Variants in UBR4 observed in about 807,000 individuals in gnomAD.
UBR4 encodes E3 ubiquitin-protein ligase UBR4.
Under a neutral mutation model 575.6 loss-of-function variants are expected in UBR4, and 124 were observed. The ratio of observed to expected loss-of-function variants is 0.22; its 90% CI spans 0.19 to 0.25. The LOEUF is 0.25. Among genes scored for constraint, UBR4 ranks in the 10% least tolerant of loss-of-function variants. The pLI is 1.00. For missense variants in UBR4, 4,818 were observed against 6,478.8 expected, an observed-to-expected ratio of 0.74 and a Z score of 8.80; for synonymous variants, 2,455 against 2,473.7, an observed-to-expected ratio of 0.99 and a Z score of 0.22.
At chr1:19,168,406 T>C (rs568801264) in intron 27 of UBR4, among the ~76,000 whole-genome samples, 2 of 152,340 alleles carry the variant, frequency 1.3e-5, no homozygotes, top group South Asian at 4.1e-4. Context: ...ATGCAACGAA[T>C]ATCCAATACC....
chr1:19,190,905 A>C (rs1485155841), intron 11 of UBR4, among the ~76,000 whole-genome samples: 4 of 152,124 alleles, frequency 2.6e-5, no homozygotes, highest in Non-Finnish European at 4.4e-5. Flanking sequence ...TCCCTTGTTT[A>C]ATCCTTCTAA....
chr1:19,084,532 T>C lies in UBR4; in HGVS notation c.14980A>G (p.Ile4994Val). Residue 4994 changes from isoleucine to valine, a missense_variant, in exon 102 of 106, where the codon ATT becomes GTT. Coordinates refer to ENST00000375254, the MANE Select transcript of UBR4 (RefSeq NM_020765.3). ...TTCAGGACGTAAAGCACAGTGTGAA[T>C]GATGTACGGGATCAGGTGGATGTTG... The part of the protein sequence containing the change: ...ESNIHLIPYI[I>V]HTVLYVLNTT... The C allele has an allele frequency of 6.2e-7, 1 of 1,613,686 alleles. No individual in the cohort carries two copies. Among genetic ancestry groups the C allele is most frequent in the Non-Finnish European group, 8.5e-7 (1 of 1,179,768 alleles).
chr1:19,087,767 A>C (rs763130496), intron 99 of UBR4, 49 bp downstream of exon 99: 1 of 1,491,336 alleles, frequency 6.7e-7, no homozygotes, highest in East Asian at 2.3e-5. Flanking sequence ...ACCTAGAACA[A>C]GGGGTCAGGC....
intron 38 of UBR4, 49 bp from the exon 39 acceptor site, chr1:19,160,330 A>G: frequency 6.8e-7 from 1 of 1,473,418 alleles, no homozygotes; most frequent in Non-Finnish European, 9.1e-7. Flanking sequence ...AAAAAGAAAA[A>G]CAATGGATAA....
chr1:19,177,822 G>T, intron 18 of UBR4, 79 bp from the exon 19 acceptor site: 1 of 1,465,414 alleles, frequency 6.8e-7, no homozygotes, highest in Non-Finnish European at 9.2e-7. Flanking sequence ...CACTAGAAGA[G>T]TTAAATTTCC....
Position 19,140,848 on chromosome 1 carries a change from C to T in UBR4, c.8533G>A (p.Gly2845Ser), listed in dbSNP as rs535487705. The change falls in exon 58 of 106, where the codon GGC becomes AGC. Residue 2845 changes from glycine (G) to serine (S), a missense_variant. By Grantham distance (56) the Gly-to-Ser change is moderately conservative. Transcript: ENST00000375254. Reference protein sequence around the residue: ...ALGLQSLGLSGQAPSSSSLDA... With the variant: ...ALGLQSLGLSSQAPSSSSLDA... ...AGAGAGGAAGAGCTGGGTGCCTGGC[C>T]GGACAGTCCCAGGCTCTGCAGGCCC... 3.1e-6 allele frequency: 5 copies of T among 1,612,834 alleles called. No homozygotes were observed. The highest frequency in any genetic ancestry group is 3.3e-5 in the Admixed American group (2 of 59,974).
Position 19,144,994 on chromosome 1 carries a change from C to T in UBR4, c.7946-87G>A, listed in dbSNP as rs542539780. On this transcript the variant is annotated intron_variant, in intron 53 of 105. Coordinates refer to ENST00000375254, the MANE Select transcript of UBR4 (RefSeq NM_020765.3). Reference sequence around the variant, plus strand: ...CTGAGACAAAAGTGTAACCTTTTATCTCCATGTAAAAGGTCATGCAAACAA... The same window carrying T: ...CTGAGACAAAAGTGTAACCTTTTATTTCCATGTAAAAGGTCATGCAAACAA... The T allele has an allele frequency of 4.0e-6, 6 of 1,507,764 alleles. No individual in the cohort carries two copies. The African/African-American group carries it at 5.5e-5, about 14-fold the overall frequency. 93.4% of individuals were successfully genotyped at this position (1,507,764 alleles called of 1,614,324 possible).
chr1:19,092,887 A>G lies in UBR4; in HGVS notation c.14143T>C (p.Ser4715Pro), dbSNP rs550273146. Residue 4715 changes from serine to proline, a missense_variant, in exon 97 of 106, where the codon TCT becomes CCT. Physicochemically the swap from Ser to Pro is moderately conservative, Grantham distance 74. Transcript: ENST00000375254. ...LDADIWKKFL[S>P]RPALPFILRL... ...AGGATAAATGGCAAGGCTGGGCGAG[A>G]CAAAAACTTTTTCCAGATGTCGGCA... is the stretch of plus-strand genomic sequence containing the variant. The G allele has an allele frequency of 6.2e-7, 1 of 1,613,646 alleles. No homozygotes were observed. The highest frequency in any genetic ancestry group is 8.5e-7 in the Non-Finnish European group (1 of 1,179,912).
chr1:19,099,300 C>A (rs1338151167), intron 90 of UBR4, among the ~76,000 whole-genome samples: 1 of 152,210 alleles, frequency 6.6e-6, no homozygotes, highest in East Asian at 1.9e-4. Context: ...CAGCACAGAG[C>A]CTCCTTCGAC....
chr1:19,130,487 G>A (rs2082294000), intron 60 of UBR4, among the ~76,000 whole-genome samples: 1 of 152,178 alleles, frequency 6.6e-6, no homozygotes, highest in Non-Finnish European at 1.5e-5. Context: ...CTGCACTCCA[G>A]CCTGAACAAC....
Position 19,138,004 on chromosome 1 carries a change from G to A in UBR4, c.8906+3C>T. ...TCTTAACTGTGAAGGACTAGGTCTT[G>A]ACCTGTTGCTAGTGTGGACATCTCC... On this transcript the variant is annotated splice_donor_region_variant and intron_variant, in intron 60 of 105. Coordinates refer to ENST00000375254, the MANE Select transcript of UBR4 (RefSeq NM_020765.3). 5 of 1,533,836 alleles carry A rather than the reference G, an allele frequency of 3.3e-6. No individual in the cohort carries two copies. Among genetic ancestry groups the A allele is most frequent in the Non-Finnish European group, 4.4e-6 (5 of 1,132,682 alleles).
At chr1:19,165,193 A>G (rs2088126228) in intron 31 of UBR4, 56 bp downstream of exon 31, 8 of 1,527,960 alleles carry the variant, frequency 5.2e-6, no homozygotes, top group Non-Finnish European at 6.3e-6. Flanking sequence ...AGATATGCAC[A>G]GTATTAGCCG....
intron 11 of UBR4, among the ~76,000 whole-genome samples, chr1:19,189,424 G>C (rs2091861203): frequency 6.6e-6 from 1 of 152,186 alleles, no homozygotes; most frequent in Non-Finnish European, 1.5e-5. Flanking sequence ...TAAGCGCTTA[G>C]CAATAGGGGA....
At chr1:19,114,263 T>A (rs1202062947) in intron 75 of UBR4, among the ~76,000 whole-genome samples, 193 bp from the exon 76 acceptor site, 3 of 152,216 alleles carry the variant, frequency 2.0e-5, no homozygotes, top group Non-Finnish European at 2.9e-5. Context: ...ACAATACACA[T>A]CTGTGATATA....
At chr1:19,108,069 G>A (rs550965483) in intron 81 of UBR4, among the ~76,000 whole-genome samples, 2 of 152,220 alleles carry the variant, frequency 1.3e-5, no homozygotes, top group East Asian at 1.9e-4. Context: ...TATACAGTTG[G>A]AAAAGGAAAG....
At chr1:19,132,605 T>TAAAAAAAAAAAAAAAAAAAGA (rs2082632906) in intron 60 of UBR4, among the ~76,000 whole-genome samples, 1 of 24,134 alleles carries the variant, frequency 4.1e-5, no homozygotes, top group African/African-American at 2.3e-4. Flanking sequence ...TAAAAAATGG[T>TAAAAAAAAAAAAAAAAAAAGA]AAAAAAAAAA....
intron 90 of UBR4, 31 bp from the exon 91 acceptor site, chr1:19,097,311 A>C: frequency 6.2e-7 from 1 of 1,602,218 alleles, no homozygotes; most frequent in Non-Finnish European, 8.5e-7. Flanking sequence ...AAAGGTACTT[A>C]AAAACAGGCC....
At chr1:19,104,861 C>G in intron 85 of UBR4, 187 bp downstream of exon 85, 1 of 1,133,204 alleles carries the variant, frequency 8.8e-7, no homozygotes, top group Non-Finnish European at 1.2e-6. Flanking sequence ...GTAAACAGTC[C>G]AAATGCTCCC....
chr1:19,105,431 G>A (rs1367338036), intron 84 of UBR4, among the ~76,000 whole-genome samples: 1 of 152,174 alleles, frequency 6.6e-6, no homozygotes, highest in Non-Finnish European at 1.5e-5. Flanking sequence ...TTCATATTTT[G>A]GCACTGATTG....
Sources: gnomAD v4.1 joint callset for allele counts (sites outside exome capture counted in the v4.1 genomes callset) on GRCh38, gnomAD v4.1.1 for gene constraint, MANE v1.5 for transcripts, NCBI Gene and HGNC (gene_info 2026-07-23, HGNC 2026-07-21) for gene names.